Variants in SEPTIN9 observed in about 807,000 individuals in gnomAD.
SEPTIN9 encodes septin 9.
SEPTIN9 carries 13 observed loss-of-function variants against 56.6 expected under a neutral mutation model. That is an observed-to-expected ratio of 0.23 (90% confidence interval 0.15 to 0.37). The LOEUF (loss-of-function observed/expected upper bound fraction) is 0.37, where lower values mean the gene tolerates loss of function less well. SEPTIN9 is among the 10% of genes least tolerant of loss of function. The pLI is 1.00. For missense variants in SEPTIN9, 650 were observed against 823.1 expected (o/e 0.79, Z 2.57); for synonymous variants, 332 against 334.1 (o/e 0.99, Z 0.07).
chr17:77,460,968 G>C (rs949091734), intron 3 of SEPTIN9, among the ~76,000 whole-genome samples: 1 of 152,134 alleles, frequency 6.6e-6, no homozygotes, highest in African/African-American at 2.4e-5. Flanking sequence ...GTCATTTAGT[G>C]ACTTAGCAGA....
intron 2 of SEPTIN9, among the ~76,000 whole-genome samples, chr17:77,365,189 C>G (rs752983827): frequency 6.6e-6 from 1 of 152,196 alleles, no homozygotes; most frequent in Non-Finnish European, 1.5e-5. Flanking sequence ...TTCCACTTTT[C>G]TGTTCCGGAA....
At chr17:77,376,044 C>G (rs12451315) in intron 2 of SEPTIN9, 442,936 of 954,666 alleles carry the variant, frequency 0.46, 104,404 homozygotes, top group Non-Finnish European at 0.48. Flanking sequence ...GCTTCCGAAT[C>G]AGGGTAGAGA....
At chr17:77,404,655 C>T (rs1075457) in intron 3 of SEPTIN9, among the ~76,000 whole-genome samples, 58,751 of 151,960 alleles carry the variant, frequency 0.39, 12,062 homozygotes, top group African/African-American at 0.46. Flanking sequence ...CAGTGCTCCT[C>T]ATGCTTTCAT....
At chr17:77,455,446 G>T (rs2038157489) in intron 3 of SEPTIN9, among the ~76,000 whole-genome samples, 1 of 152,260 alleles carries the variant, frequency 6.6e-6, no homozygotes, top group Non-Finnish European at 1.5e-5. Context: ...AGGTGACTCG[G>T]TCACTGAATG....
rs755360332 is a variant in SEPTIN9 at position 77,367,289 on chromosome 17, G to A, written c.77-34770G>A. Among the ~76,000 whole-genome samples the A allele has an allele frequency of 6.6e-6, 1 of 152,182 alleles. No individual in the cohort carries two copies. Among genetic ancestry groups the A allele is most frequent in the East Asian group, 1.9e-4 (1 of 5,192 alleles). On this transcript the variant is annotated intron_variant, in intron 2 of 11. Coordinates refer to ENST00000427177, the MANE Select transcript of SEPTIN9 (RefSeq NM_001113491.2). This position sits in a 1 kb window ranked among gnomAD's most constrained non-coding sequence, Gnocchi z 4.5. ...CTGTGATCCTGGGCATGTCGAGGCT[G>A]GAGCAGGTCTGCTTGGTGGCTGGCA... is the stretch of plus-strand genomic sequence containing the variant.
intron 3 of SEPTIN9, among the ~76,000 whole-genome samples, chr17:77,404,256 C>G (rs2035993078): frequency 6.6e-6 from 1 of 152,050 alleles, no homozygotes; most frequent in South Asian, 2.1e-4. Context: ...TTTTCTTTGA[C>G]TTTTTTGAGA....
At chr17:77,459,770 A>G (rs1243305105) in intron 3 of SEPTIN9, among the ~76,000 whole-genome samples, 1 of 151,950 alleles carries the variant, frequency 6.6e-6, no homozygotes, top group Non-Finnish European at 1.5e-5. Flanking sequence ...GCAGTGGCAC[A>G]ATCCTCGGCT....
In SEPTIN9 at chr17:77,435,019, C is replaced by T. The variant is rs193269575; in HGVS notation, c.721+32316C>T. Among the ~76,000 whole-genome samples the T allele has an allele frequency of 4.5e-3, 680 of 152,298 alleles. 3 individuals carry two copies. Among genetic ancestry groups the T allele is most frequent in the Non-Finnish European group, 8.0e-3 (543 of 68,014 alleles). On this transcript the variant is annotated intron_variant, in intron 3 of 11. Coordinates refer to ENST00000427177, the MANE Select transcript of SEPTIN9 (RefSeq NM_001113491.2). This position sits in a 1 kb window ranked among gnomAD's most constrained non-coding sequence, Gnocchi z 4.5. ...TGATGTCCGATGATGGTAACAAGGG[C>T]TTCCTGAGGACCCCGAGCTGTCTTA...
chr17:77,377,532 G>A (rs2034975803), intron 2 of SEPTIN9, among the ~76,000 whole-genome samples: 1 of 151,904 alleles, frequency 6.6e-6, no homozygotes, highest in Non-Finnish European at 1.5e-5. Flanking sequence ...GGACCCACGT[G>A]CTCAGATCCC....
rs898033513 is a variant in SEPTIN9, at chr17:77,421,610, G to C, written c.721+18907G>C. ...AGAATGCACCCTCTGCGTGTACAGG[G>C]ATGGCTTTTGGGCCATTCACCTGAG... is the stretch of plus-strand genomic sequence containing the variant. On this transcript the variant is annotated intron_variant, in intron 3 of 11. Coordinates refer to ENST00000427177, the MANE Select transcript of SEPTIN9 (RefSeq NM_001113491.2). This position sits in a 1 kb window ranked among gnomAD's most constrained non-coding sequence, Gnocchi z 4.6. Among the ~76,000 whole-genome samples the C allele has an allele frequency of 6.6e-5, 10 of 152,226 alleles. No homozygotes were observed. The highest frequency in any genetic ancestry group is 2.4e-4 in the African/African-American group (10 of 41,450).
In SEPTIN9 at chr17:77,437,009, G is replaced by A. The variant is rs1350023797; in HGVS notation, c.721+34306G>A. Among the ~76,000 whole-genome samples the A allele has an allele frequency of 6.6e-6, 1 of 152,218 alleles. No homozygotes were observed. The highest frequency in any genetic ancestry group is 1.5e-5 in the Non-Finnish European group (1 of 68,034). Reference sequence around the variant, plus strand: ...GGCCTCACTCCCTCGGTTTACAGTGGAGGAAACTAGAGGCCGAGAGAGGTG... The same window carrying A: ...GGCCTCACTCCCTCGGTTTACAGTGAAGGAAACTAGAGGCCGAGAGAGGTG... On this transcript the variant is annotated intron_variant, in intron 3 of 11. Coordinates refer to ENST00000427177, the MANE Select transcript of SEPTIN9 (RefSeq NM_001113491.2). The surrounding 1 kb of genome is among the most constrained non-coding windows in gnomAD (Gnocchi z 5.3).
chr17:77,295,628 G>A (rs2031776547), intron 1 of SEPTIN9, among the ~76,000 whole-genome samples: 1 of 152,160 alleles, frequency 6.6e-6, no homozygotes, highest in Non-Finnish European at 1.5e-5. Context: ...GAGGGCACAA[G>A]AAGTGGGAGG....
At chr17:77,440,301 C>T (rs2037498344) in intron 3 of SEPTIN9, among the ~76,000 whole-genome samples, 1 of 152,008 alleles carries the variant, frequency 6.6e-6, no homozygotes, top group Non-Finnish European at 1.5e-5. Flanking sequence ...ATTATAGGCG[C>T]CCACCACCAC....
At chr17:77,304,198 G>A (rs1415127303) in intron 1 of SEPTIN9, among the ~76,000 whole-genome samples, 1 of 152,234 alleles carries the variant, frequency 6.6e-6, no homozygotes, top group Non-Finnish European at 1.5e-5. Flanking sequence ...AGCAGTGGCG[G>A]CAGCGGCTGC....
At chr17:77,472,046 T>C (rs1401442712) in intron 3 of SEPTIN9, among the ~76,000 whole-genome samples, 1 of 152,156 alleles carries the variant, frequency 6.6e-6, no homozygotes, top group African/African-American at 2.4e-5. Context: ...TGAGAGTGGC[T>C]CTTTAGGAAG....
chr17:77,304,468 A>G (rs1250540152), intron 1 of SEPTIN9, among the ~76,000 whole-genome samples: 1 of 152,176 alleles, frequency 6.6e-6, no homozygotes, highest in Non-Finnish European at 1.5e-5. Flanking sequence ...TCCTACGGAT[A>G]AGAGGCCCTG....
At position 77,475,593 on chromosome 17, in the gene SEPTIN9, T is replaced by A; in HGVS notation, c.722-6551T>A. 6.2e-7 allele frequency: 1 copy of A among 1,613,554 alleles called. No homozygotes were observed. Among genetic ancestry groups the A allele is most frequent in the Non-Finnish European group, 8.5e-7 (1 of 1,179,802 alleles). On this transcript the variant is annotated intron_variant, in intron 3 of 11. Coordinates refer to ENST00000427177, the MANE Select transcript of SEPTIN9 (RefSeq NM_001113491.2). This position sits in a 1 kb window ranked among gnomAD's most constrained non-coding sequence, Gnocchi z 4.6. The stretch of plus-strand genomic sequence containing the variant: ...AGGGGTGCTGGCCCCAGGGTCTGGA[T>A]TCAGGGGAGCCTGCAGAGGGAGGGC...
At chr17:77,480,457 C>T (rs1040776641) in intron 3 of SEPTIN9, among the ~76,000 whole-genome samples, 5 of 152,178 alleles carry the variant, frequency 3.3e-5, no homozygotes, top group East Asian at 1.9e-4. Context: ...TTCCTGAGTT[C>T]GGTTCTTGCC....
intron 3 of SEPTIN9, among the ~76,000 whole-genome samples, chr17:77,454,907 G>A (rs924166833): frequency 3.3e-5 from 5 of 152,220 alleles, no homozygotes; most frequent in African/African-American, 9.6e-5. Context: ...CATCCCAGCC[G>A]ACTCCGGGGC....
Sources: allele counts gnomAD v4.1 joint callset (sites outside exome capture counted in the v4.1 genomes callset), GRCh38; gene constraint gnomAD v4.1.1; non-coding constraint Gnocchi (gnomAD v3.1); transcripts MANE v1.5; gene names NCBI Gene and HGNC (gene_info 2026-07-23, HGNC 2026-07-21).